GSPT1: variants seen among roughly 807,000 people sequenced by gnomAD.
GSPT1 encodes the protein G1 to S phase transition 1.
GSPT1 carries 20 observed loss-of-function variants against 72.5 expected under a neutral mutation model. That is an observed-to-expected ratio of 0.28 (90% CI 0.19 to 0.40). GSPT1 has a LOEUF of 0.40. Ranked by LOEUF, GSPT1 falls within the 10% of genes least tolerant of loss-of-function variation. The pLI is 1.00. For missense variants in GSPT1, 580 were observed against 811.9 expected (o/e 0.71, Z 3.47); for synonymous variants, 334 against 293.5 (o/e 1.14, Z -1.41).
At chr16:11,888,617 C>G (rs2054214018) in intron 6 of GSPT1, among the ~76,000 whole-genome samples, 1 of 151,896 alleles carries the variant, frequency 6.6e-6, no homozygotes, top group Non-Finnish European at 1.5e-5. Flanking sequence ...CAAAAATTAG[C>G]TGGGCATGGT....
In GSPT1 at chr16:11,871,000, G is replaced by A. The variant is rs1292209963; in HGVS notation, c.*2119C>T. 1 of 152,136 alleles carries A rather than the reference G, an allele frequency of 6.6e-6. No homozygotes were observed. The highest frequency in any genetic ancestry group is 6.5e-5 in the Admixed American group (1 of 15,274). The allele number at this position is 152,136 out of a possible 1,614,324, so 9.4% of individuals were successfully genotyped here. On this transcript the variant is annotated 3_prime_UTR_variant, in exon 15 of 15. Coordinates refer to ENST00000434724, the MANE Select transcript of GSPT1 (RefSeq NM_002094.4). The stretch of plus-strand genomic sequence containing the variant: ...ACTCTTATCTCTGGAAGTGATTTCC[G>A]TGGCTCTTGAACTTTTAAATATTCA...
intron 1 of GSPT1, among the ~76,000 whole-genome samples, chr16:11,905,860 T>C (rs1485253871): frequency 6.6e-6 from 1 of 151,870 alleles, no homozygotes; most frequent in African/African-American, 2.4e-5. Flanking sequence ...AGTAAATAAA[T>C]AAATAAATTA....
intron 11 of GSPT1, among the ~76,000 whole-genome samples, chr16:11,880,510 T>A (rs2141278853): frequency 6.6e-6 from 1 of 152,316 alleles, no homozygotes; most frequent in African/African-American, 2.4e-5. Context: ...AGTTTTTAAT[T>A]GAGATGGGAT....
chr16:11,915,616 G>C lies in GSPT1; in HGVS notation c.105C>G (p.Asp35Glu). ...AAGGGCCCGGCCCGGGGGCTTCCATGTCCGCCTGGTCCCAGCAGTCAGGCG... is the reference window on the plus strand; with the variant it reads ...AAGGGCCCGGCCCGGGGGCTTCCATCTCCGCCTGGTCCCAGCAGTCAGGCG... Reference protein sequence around the residue: ...DSAPDCWDQADMEAPGPGPCG... With the variant: ...DSAPDCWDQAEMEAPGPGPCG... Residue 35 changes from aspartate (D) to glutamate (E), a missense_variant, in exon 1 of 15, where the codon GAC becomes GAG. Physicochemically the swap from Asp to Glu is conservative, Grantham distance 45 (BLOSUM62 2). Around this residue, in one of 6 missense-constraint regions of GSPT1, gnomAD observed 327 missense variants for 298.8 expected, o/e 1.09. Transcript: ENST00000434724. 2.0e-6 allele frequency: 3 copies of C among 1,490,988 alleles called. No individual in the cohort carries two copies. The highest frequency in any genetic ancestry group is 1.8e-6 in the Non-Finnish European group (2 of 1,124,828). 92.4% of individuals were successfully genotyped at this position (1,490,988 alleles called of 1,614,324 possible).
chr16:11,913,141 C>A (rs1596479005), intron 1 of GSPT1, among the ~76,000 whole-genome samples: 1 of 152,188 alleles, frequency 6.6e-6, no homozygotes, highest in African/African-American at 2.4e-5. Flanking sequence ...TCCTATTTAT[C>A]CCCCTGCTTT....
chr16:11,892,016 G>A (rs1455073812), intron 5 of GSPT1, among the ~76,000 whole-genome samples: 1 of 151,996 alleles, frequency 6.6e-6, no homozygotes, highest in African/African-American at 2.4e-5. Context: ...TATGGAAAGT[G>A]TAAGTGGAAA....
chr16:11,904,494 G>A (rs530016336), intron 1 of GSPT1, among the ~76,000 whole-genome samples: 5 of 152,130 alleles, frequency 3.3e-5, no homozygotes, highest in South Asian at 4.1e-4. Flanking sequence ...GAGCCACTGC[G>A]CCCAGCCAGT....
chr16:11,882,980 A>T, intron 11 of GSPT1, 35 bp downstream of exon 11: 2 of 1,378,628 alleles, frequency 1.5e-6, no homozygotes, highest in Non-Finnish European at 2.1e-6. Context: ...AAAAAAATCA[A>T]TAAATAGATA....
Position 11,877,391 on chromosome 16 carries a change from A to T in GSPT1, c.1602+16T>A. 6.5e-7 allele frequency: 1 copy of T among 1,543,570 alleles called. No individual in the cohort carries two copies. The highest frequency in any genetic ancestry group is 2.0e-5 in the Admixed American group (1 of 49,586). On this transcript the variant is annotated intron_variant, in intron 12 of 14. Transcript: ENST00000434724. The surrounding 1 kb of genome is among the most constrained non-coding windows in gnomAD (Gnocchi z 4.0). ...GACATTAAAACCCACTATGACAACAACAATAATTTGTTTACCTGGGCATCA... is the reference window on the plus strand; with the variant it reads ...GACATTAAAACCCACTATGACAACATCAATAATTTGTTTACCTGGGCATCA...
intron 1 of GSPT1, among the ~76,000 whole-genome samples, chr16:11,910,431 G>A (rs1443117754): frequency 6.6e-6 from 1 of 152,130 alleles, no homozygotes; most frequent in Non-Finnish European, 1.5e-5. Context: ...GTTATTTCAA[G>A]TGCCTAGCAT....
chr16:11,892,548 G>C (rs1467880100), intron 5 of GSPT1, among the ~76,000 whole-genome samples: 1 of 119,294 alleles, frequency 8.4e-6, no homozygotes, highest in African/African-American at 3.2e-5. Flanking sequence ...ATAAAAAATG[G>C]CCGGGCACGG....
intron 14 of GSPT1, among the ~76,000 whole-genome samples, chr16:11,874,101 T>C (rs1361440725): frequency 2.0e-5 from 3 of 152,114 alleles, no homozygotes; most frequent in East Asian, 3.8e-4. Flanking sequence ...TGAAAAATGG[T>C]TGCCTGGGGT....
chr16:11,889,758 G>A (rs1567441693), intron 6 of GSPT1, among the ~76,000 whole-genome samples: 1 of 150,492 alleles, frequency 6.6e-6, no homozygotes, highest in Non-Finnish European at 1.5e-5. Flanking sequence ...CGCCTGCCTC[G>A]GCCTCCCAAA....
intron 1 of GSPT1, among the ~76,000 whole-genome samples, chr16:11,914,181 T>C (rs2054595125): frequency 6.6e-6 from 1 of 152,202 alleles, no homozygotes; most frequent in Non-Finnish European, 1.5e-5. Context: ...TTCCTTCCTT[T>C]TTCATTTTCT....
intron 1 of GSPT1, among the ~76,000 whole-genome samples, chr16:11,899,913 T>C (rs118163240): frequency 3.2e-4 from 48 of 152,272 alleles, no homozygotes; most frequent in Non-Finnish European, 4.4e-4. Context: ...CCTGAGAGGA[T>C]TGTTGAGGAG....
intron 10 of GSPT1, among the ~76,000 whole-genome samples, chr16:11,883,972 T>C (rs899469057): frequency 2.0e-5 from 3 of 151,786 alleles, no homozygotes; most frequent in Middle Eastern, 3.2e-3. Flanking sequence ...ATCTGAACTG[T>C]TTGTACAAAT....
At chr16:11,882,709 C>T (rs1246945927) in intron 11 of GSPT1, 1 of 233,046 alleles carries the variant, frequency 4.3e-6, no homozygotes, top group Non-Finnish European at 8.5e-6. Context: ...AATCCTAGCA[C>T]TTTGGGAGGC....
At chr16:11,892,531 A>ATAAAT (rs1567443313) in intron 5 of GSPT1, among the ~76,000 whole-genome samples, 2 of 139,864 alleles carry the variant, frequency 1.4e-5, no homozygotes, top group African/African-American at 5.7e-5. Context: ...AACAAAAAAA[A>ATAAAT]CAAAAAATAA....
intron 1 of GSPT1, among the ~76,000 whole-genome samples, chr16:11,907,581 T>C (rs958622436): frequency 2.6e-5 from 4 of 151,146 alleles, no homozygotes; most frequent in East Asian, 3.9e-4. Flanking sequence ...ACGCTAGTTG[T>C]AGTAATTAGC....
Sources: gnomAD v4.1 joint callset for allele counts (sites outside exome capture counted in the v4.1 genomes callset) on GRCh38, gnomAD v4.1.1 for gene constraint, gnomAD v4.1.1 regional missense constraint, Gnocchi (gnomAD v3.1) non-coding constraint, MANE v1.5 for transcripts, NCBI Gene and HGNC (gene_info 2026-07-23, HGNC 2026-07-21) for gene names.